The following CENPP variants were observed in gnomAD, a reference collection of about 807,000 sequenced individuals.
CENPP encodes centromere protein P.
CENPP carries 24 observed loss-of-function variants against 35.6 expected under a neutral mutation model. That is an observed-to-expected ratio of 0.67 (90% CI 0.49 to 0.95). The LOEUF (loss-of-function observed/expected upper bound fraction) is 0.95, where lower values mean the gene tolerates loss of function less well. Ranked by LOEUF, CENPP falls within the 40% of genes least tolerant of loss-of-function variation. The probability of loss-of-function intolerance (pLI) is 0.00; values close to 1 mark genes in which losing one functional copy is unlikely to be tolerated. For missense variants in CENPP, 332 were observed against 345.3 expected (o/e 0.96, Z 0.31); for synonymous variants, 120 against 125.5 (o/e 0.96, Z 0.29).
chr9:92,596,387 G>A (rs1216884178), intron 5 of CENPP, among the ~76,000 whole-genome samples: 2 of 146,538 alleles, frequency 1.4e-5, no homozygotes, highest in Admixed American at 7.0e-5. Context: ...AAATAGGTAG[G>A]GCCAAGCCAA....
At chr9:92,420,510 C>A (rs1843757620) in intron 5 of CENPP, among the ~76,000 whole-genome samples, 3 of 152,164 alleles carry the variant, frequency 2.0e-5, no homozygotes, top group Admixed American at 2.0e-4. Context: ...AGACCACTAA[C>A]CTCAAGTGCT....
In CENPP at chr9:92,494,235, C is replaced by G. The variant is rs1399058661; in HGVS notation, c.564+114376C>G. On this transcript the variant is annotated intron_variant, in intron 5 of 7. Transcript: ENST00000375587. ...TCCCAAGATGCTAGTTCTGCTGACT[C>G]ACCTTATTCAGTTTGAGCCCCCTTT... 6 of 1,415,358 alleles carry G rather than the reference C, an allele frequency of 4.2e-6. No homozygotes were observed. In the East Asian group the frequency reaches 1.4e-4, roughly 33 times the overall value. 87.7% of individuals were successfully genotyped at this position (1,415,358 alleles called of 1,614,324 possible).
At chr9:92,512,910 GA>G (rs1847444628) in intron 5 of CENPP, among the ~76,000 whole-genome samples, 1 of 152,208 alleles carries the variant, frequency 6.6e-6, no homozygotes, top group Non-Finnish European at 1.5e-5. Flanking sequence ...GCCACAGGAG[GA>G]AGGGACTTTC....
intron 5 of CENPP, among the ~76,000 whole-genome samples, chr9:92,398,747 T>G (rs1195725555): frequency 2.6e-5 from 4 of 152,234 alleles, no homozygotes; most frequent in Non-Finnish European, 5.9e-5. Context: ...TGCATTTGTA[T>G]TTTATTTTGG....
intron 3 of CENPP, chr9:92,340,519 G>A (rs1047521349): frequency 2.0e-5 from 3 of 152,582 alleles, no homozygotes; most frequent in South Asian, 1.9e-4. Context: ...AAAATGTTGC[G>A]GGAAGTCAGG....
At chr9:92,458,733 G>T (rs1385750876) in intron 5 of CENPP, among the ~76,000 whole-genome samples, 1 of 152,186 alleles carries the variant, frequency 6.6e-6, no homozygotes, top group Non-Finnish European at 1.5e-5. Context: ...CAGGGATGGG[G>T]CAGCTTGAGA....
At chr9:92,505,937 GGTGCTAACAATATGT>G (rs1846979794) in intron 5 of CENPP, among the ~76,000 whole-genome samples, 1 of 152,130 alleles carries the variant, frequency 6.6e-6, no homozygotes, top group Admixed American at 6.5e-5. Context: ...TGAAATGCTA[GGTGCTAACAATATGT>G]GTAAGGAACA....
chr9:92,477,355 G>C (rs1430321199), intron 5 of CENPP, among the ~76,000 whole-genome samples: 1 of 152,156 alleles, frequency 6.6e-6, no homozygotes, highest in Non-Finnish European at 1.5e-5. Context: ...TGTGGCTCCT[G>C]ACTCCTTAAG....
chr9:92,541,606 C>A (rs983446960), intron 5 of CENPP, among the ~76,000 whole-genome samples: 4 of 151,728 alleles, frequency 2.6e-5, no homozygotes, highest in African/African-American at 9.7e-5. Flanking sequence ...TGGCTTATTT[C>A]ACTTAGCATA....
chr9:92,490,581 C>T (rs1011039718), intron 5 of CENPP, among the ~76,000 whole-genome samples: 1 of 152,066 alleles, frequency 6.6e-6, no homozygotes, highest in South Asian at 2.1e-4. Flanking sequence ...GGTTTTACTC[C>T]GCCCTTTGGA....
At chr9:92,519,920 TCCTGATATCCAGA>T (rs1401450104) in intron 5 of CENPP, among the ~76,000 whole-genome samples, 1 of 151,238 alleles carries the variant, frequency 6.6e-6, no homozygotes, top group Non-Finnish European at 1.5e-5. Context: ...TCTGATAAGG[TCCTGATATCCAGA>T]ATATTCATAA....
At chr9:92,331,841 G>A (rs1301434667) in intron 1 of CENPP, among the ~76,000 whole-genome samples, 1 of 152,068 alleles carries the variant, frequency 6.6e-6, no homozygotes, top group Non-Finnish European at 1.5e-5. Context: ...CATACCTGTG[G>A]TCCCAGCTAC....
chr9:92,546,769 A>G (rs1432390451), intron 5 of CENPP, among the ~76,000 whole-genome samples: 3 of 152,236 alleles, frequency 2.0e-5, no homozygotes, highest in Non-Finnish European at 4.4e-5. Flanking sequence ...GTAAATTGAT[A>G]TATTTAGATT....
At chr9:92,581,220 C>G (rs998093341) in intron 5 of CENPP, among the ~76,000 whole-genome samples, 14 of 151,890 alleles carry the variant, frequency 9.2e-5, no homozygotes, top group African/African-American at 3.4e-4. Flanking sequence ...TAGCAGAAAA[C>G]GAGAGGTATA....
chr9:92,466,163 A>G (rs1200852127), intron 5 of CENPP, among the ~76,000 whole-genome samples: 1 of 152,188 alleles, frequency 6.6e-6, no homozygotes, highest in Non-Finnish European at 1.5e-5. Context: ...AGAGAGAGAC[A>G]GTATTACGAA....
intron 5 of CENPP, among the ~76,000 whole-genome samples, chr9:92,426,120 G>A (rs1326483779): frequency 6.6e-6 from 1 of 152,150 alleles, no homozygotes; most frequent in Non-Finnish European, 1.5e-5. Flanking sequence ...GGTTTAAGGT[G>A]GCAAGGGATG....
intron 5 of CENPP, among the ~76,000 whole-genome samples, chr9:92,562,265 C>T (rs1011139901): frequency 2.8e-5 from 4 of 144,086 alleles, no homozygotes; most frequent in Non-Finnish European, 4.5e-5. Context: ...AGTGCAATGG[C>T]GTGATCTTGG....
intron 5 of CENPP, among the ~76,000 whole-genome samples, chr9:92,542,125 G>T (rs1369170094): frequency 1.3e-5 from 2 of 152,052 alleles, no homozygotes; most frequent in African/African-American, 4.8e-5. Context: ...TAGTGGGATT[G>T]TTAGATCATC....
At position 92,421,503 on chromosome 9, in the gene CENPP, T is replaced by G. The variant is rs552749382; in HGVS notation, c.564+41644T>G. On this transcript the variant is annotated intron_variant, in intron 5 of 7. Transcript: ENST00000375587. The stretch of plus-strand genomic sequence containing the variant: ...GTAGATTTAAGGAGTTATGGTATCA[T>G]ACCAAAGGGCAGTGTTCAGAGCAGG... 4.6e-5 allele frequency among the ~76,000 whole-genome samples: 7 copies of G among 152,348 alleles called. No homozygotes were observed. The South Asian group carries it at 1.4e-3, about 32-fold the overall frequency.
Sources: allele counts gnomAD v4.1 joint callset (sites outside exome capture counted in the v4.1 genomes callset), GRCh38; gene constraint gnomAD v4.1.1; transcripts MANE v1.5; gene names NCBI Gene and HGNC (gene_info 2026-07-23, HGNC 2026-07-21).